The following PRKX variants were observed in gnomAD, a reference collection of about 807,000 sequenced individuals.
PRKX encodes protein kinase cAMP-dependent X-linked catalytic subunit.
In PRKX, 12 loss-of-function variants were observed where a neutral mutation model predicts 22.0. The ratio of observed to expected loss-of-function variants is 0.54; its 90% CI spans 0.35 to 0.88. The LOEUF is 0.88. PRKX is among the 40% of genes least tolerant of loss of function. The probability of loss-of-function intolerance (pLI) is 0.01; values close to 1 mark genes in which losing one functional copy is unlikely to be tolerated. For synonymous variants in PRKX, 134 were observed against 137.7 expected (o/e 0.97, Z 0.19); for missense variants, 217 against 308.0 (o/e 0.70, Z 2.21).
intron 4 of PRKX, among the ~76,000 whole-genome samples, chrX:3,636,427 T>C (rs930345550): frequency 8.9e-6 from 1 of 112,568 alleles, no homozygotes; most frequent in African/African-American, 3.2e-5. Context: ...AAAATTTAGA[T>C]GGTTTCAGAG....
chrX:3,689,494 A>G (rs756932155), intron 1 of PRKX, among the ~76,000 whole-genome samples: 120 of 112,055 alleles, frequency 1.1e-3, no homozygotes, highest in Non-Finnish European at 1.8e-3. Flanking sequence ...CCTGGGTAAC[A>G]TAACGAGACC....
Position 3,688,303 on chromosome X carries a change from G to A in PRKX, c.167-13537C>T, listed in dbSNP as rs765667334. On this transcript the variant is annotated intron_variant, in intron 1 of 8. Coordinates refer to ENST00000262848, the MANE Select transcript of PRKX (RefSeq NM_005044.5). Reference sequence around the variant, plus strand: ...TCTACTAAAAATACAACGATTAGCCGGGCATGGTGGCAGGCACCTGTAACC... The same window carrying A: ...TCTACTAAAAATACAACGATTAGCCAGGCATGGTGGCAGGCACCTGTAACC... Among the ~76,000 whole-genome samples the A allele has an allele frequency of 5.9e-5, 6 of 102,450 alleles. 1 individual carries two copies. Among genetic ancestry groups the A allele is most frequent in the Admixed American group, 1.0e-4 (1 of 9,731 alleles). The allele number at this position is 102,450 out of a possible 115,157, so 89.0% of individuals were successfully genotyped here.
chrX:3,638,465 C>G (rs979203871), intron 4 of PRKX, among the ~76,000 whole-genome samples: 1 of 111,745 alleles, frequency 8.9e-6, no homozygotes, highest in African/African-American at 3.3e-5. Context: ...CAATGCTGCC[C>G]TCGTGTGGTC....
At chrX:3,657,815 G>T (rs151306145) in intron 2 of PRKX, among the ~76,000 whole-genome samples, 2,618 of 111,918 alleles carry the variant, frequency 0.023, 28 homozygotes, top group Non-Finnish European at 0.036. Flanking sequence ...TGAGGAAGGT[G>T]GGGGTAGGGA....
chrX:3,665,093 CGTGT>C (rs748790895), intron 2 of PRKX, among the ~76,000 whole-genome samples: 147 of 111,282 alleles, frequency 1.3e-3, no homozygotes, highest in Non-Finnish European at 2.4e-3. Context: ...GGGGCGCGCG[CGTGT>C]GTGTGTGTGC....
chrX:3,609,255 T>C (rs1270396952), intron 8 of PRKX, among the ~76,000 whole-genome samples: 2 of 111,051 alleles, frequency 1.8e-5, no homozygotes, highest in Admixed American at 1.9e-4. Flanking sequence ...TCCGCCTCCA[T>C]GTTCAAGTGA....
At chrX:3,691,996 CAGAT>C (rs1054495644) in intron 1 of PRKX, among the ~76,000 whole-genome samples, 2 of 105,340 alleles carry the variant, frequency 1.9e-5, no homozygotes, top group African/African-American at 3.5e-5. Context: ...AGATAGGTAA[CAGAT>C]AGGATAGATA....
chrX:3,629,585 G>T (rs1393323874), intron 4 of PRKX, among the ~76,000 whole-genome samples: 2 of 110,686 alleles, frequency 1.8e-5, no homozygotes, highest in African/African-American at 3.3e-5. Flanking sequence ...CCTCATTCAT[G>T]GAACAGTATG....
intron 3 of PRKX, among the ~76,000 whole-genome samples, chrX:3,646,299 AAGAG>A (rs61244362): frequency 0.16 from 17,591 of 110,646 alleles, 1,236 homozygotes; most frequent in African/African-American, 0.25. Flanking sequence ...CTCAAAAAAA[AAGAG>A]AGAGAGACAG....
In PRKX at chrX:3,712,983, A is replaced by G. The variant is rs1427240185; in HGVS notation, c.166+105T>C. ...GGACTCCGAGCCGAAGTAGCGGGTC[A>G]GGGCCCTCCCCAGGAGGTCGGCACC... On this transcript the variant is annotated intron_variant, in intron 1 of 8. Coordinates refer to ENST00000262848, the MANE Select transcript of PRKX (RefSeq NM_005044.5). The G allele has an allele frequency of 1.6e-4, 150 of 947,421 alleles. 1 individual carries two copies. The highest frequency in any genetic ancestry group is 2.1e-4 in the Admixed American group (5 of 24,345). The allele number at this position is 947,421 out of a possible 1,213,427, so 78.1% of individuals were successfully genotyped here. A position where few individuals can be genotyped will look rare whatever the true frequency, so the allele number is the denominator to read the frequency against.
chrX:3,648,361 T>C (rs2146577868), intron 3 of PRKX, among the ~76,000 whole-genome samples: 1 of 110,613 alleles, frequency 9.0e-6, no homozygotes, highest in East Asian at 2.8e-4. Flanking sequence ...TTTGTAGAGA[T>C]GAGGTCTTGC....
intron 3 of PRKX, among the ~76,000 whole-genome samples, chrX:3,654,066 A>ATGC (rs1475623511): frequency 6.2e-4 from 52 of 83,707 alleles, no homozygotes; most frequent in African/African-American, 2.3e-3. Context: ...ATAGTATAAT[A>ATGC]TACTATATAA....
Position 3,633,514 on chromosome X carries a change from G to A in PRKX, c.720-7000C>T, listed in dbSNP as rs1213202275. 2.7e-5 allele frequency among the ~76,000 whole-genome samples: 3 copies of A among 111,070 alleles called. No individual in the cohort carries two copies. The East Asian group carries it at 8.5e-4, about 31-fold the overall frequency. ...GGAGGTCCAGGCTGCAGTGAGCTGT[G>A]ACTGCACCACTGCACTCCTGACTGG... is the stretch of plus-strand genomic sequence containing the variant. On this transcript the variant is annotated intron_variant, in intron 4 of 8. Coordinates refer to ENST00000262848, the MANE Select transcript of PRKX (RefSeq NM_005044.5).
chrX:3,617,506 C>G (rs935224652), intron 6 of PRKX, among the ~76,000 whole-genome samples: 2 of 110,045 alleles, frequency 1.8e-5, no homozygotes, highest in Non-Finnish European at 3.8e-5. Flanking sequence ...ATTAGCCAGC[C>G]TTGGTGGTGC....
chrX:3,658,103 G>A (rs1355892719), intron 2 of PRKX, among the ~76,000 whole-genome samples: 1 of 109,977 alleles, frequency 9.1e-6, no homozygotes, highest in African/African-American at 3.3e-5. Context: ...CGATTCTCCT[G>A]CCTCAGCCTC....
chrX:3,710,262 C>T (rs1226236033), intron 1 of PRKX, among the ~76,000 whole-genome samples: 6 of 111,999 alleles, frequency 5.4e-5, no homozygotes, highest in Non-Finnish European at 9.4e-5. Flanking sequence ...ACCAGACGTA[C>T]TCCAGAATCC....
chrX:3,617,833 G>A (rs192111357), intron 6 of PRKX, among the ~76,000 whole-genome samples: 2 of 110,415 alleles, frequency 1.8e-5, no homozygotes, highest in Non-Finnish European at 3.8e-5. Context: ...CATCCCTCCT[G>A]TTACGCTGCC....
At chrX:3,624,998 TGAGA>T (rs1234723913) in intron 5 of PRKX, among the ~76,000 whole-genome samples, 2 of 111,024 alleles carry the variant, frequency 1.8e-5, no homozygotes, top group African/African-American at 3.3e-5. Flanking sequence ...ATTTGGGGCC[TGAGA>T]GAGAGGTTCT....
chrX:3,712,419 C>G (rs1379755057), intron 1 of PRKX, among the ~76,000 whole-genome samples: 5 of 111,385 alleles, frequency 4.5e-5, no homozygotes, highest in East Asian at 5.7e-4. Flanking sequence ...GTCAAGCTGC[C>G]CATTCGGGGT....
Sources: allele counts gnomAD v4.1 joint callset (sites outside exome capture counted in the v4.1 genomes callset), GRCh38; gene constraint gnomAD v4.1.1; transcripts MANE v1.5; gene names NCBI Gene and HGNC (gene_info 2026-07-23, HGNC 2026-07-21).